The following ASB17 variants were observed in gnomAD, a reference collection of about 807,000 sequenced individuals.
ASB17 encodes the protein ankyrin repeat and SOCS box protein 17.
Under a neutral mutation model 25.7 loss-of-function variants are expected in ASB17, and 26 were observed. The ratio of observed to expected loss-of-function variants is 1.01; its 90% confidence interval spans 0.74 to 1.40. The LOEUF is 1.40. Among genes scored for constraint, ASB17 ranks in the 40% most tolerant of loss-of-function variants. ASB17 has a pLI of 0.00. For synonymous variants in ASB17, 128 were observed against 121.4 expected, an observed-to-expected ratio of 1.05 and a Z score of -0.36; for missense variants, 326 against 338.5, an observed-to-expected ratio of 0.96 and a Z score of 0.29.
intron 1 of ASB17, among the ~76,000 whole-genome samples, chr1:75,922,736 C>T (rs1689268): frequency 0.96 from 146,373 of 151,992 alleles, 70,726 homozygotes; most frequent in East Asian, 1. Context: ...CCTCAGGTGA[C>T]CTACCTGCCT....
chr1:75,919,251 A>G (rs556863311), intron 2 of ASB17, 93 bp from the exon 3 acceptor site: 1 of 888,672 alleles, frequency 1.1e-6, no homozygotes, highest in African/African-American at 1.7e-5. Flanking sequence ...AATTTAGAAA[A>G]TAGACCATAA....
At chr1:75,927,907 C>T (rs1571018314) in intron 1 of ASB17, among the ~76,000 whole-genome samples, 1 of 152,276 alleles carries the variant, frequency 6.6e-6, no homozygotes, top group Non-Finnish European at 1.5e-5. Context: ...CTTTCAATTC[C>T]AGTCTTCATT....
intron 1 of ASB17, among the ~76,000 whole-genome samples, chr1:75,924,685 G>A (rs1290423145): frequency 2.6e-5 from 4 of 151,928 alleles, no homozygotes; most frequent in East Asian, 1.9e-4. Flanking sequence ...TACTTCCAAC[G>A]CATGGAGAAC....
intron 1 of ASB17, among the ~76,000 whole-genome samples, chr1:75,925,565 C>A (rs560525987): frequency 6.6e-6 from 1 of 151,992 alleles, no homozygotes; most frequent in Non-Finnish European, 1.5e-5. Flanking sequence ...TTACTGTAAA[C>A]CAGAATTTGC....
intron 2 of ASB17, among the ~76,000 whole-genome samples, chr1:75,920,264 G>A (rs142212085): frequency 2.2e-3 from 331 of 152,212 alleles, no homozygotes; most frequent in African/African-American, 7.7e-3. Context: ...TTAATCTTAC[G>A]GATCAAATGT....
intron 1 of ASB17, among the ~76,000 whole-genome samples, chr1:75,928,777 A>G (rs984020196): frequency 6.6e-6 from 1 of 152,252 alleles, no homozygotes; most frequent in African/African-American, 2.4e-5. Flanking sequence ...TACTCATTCA[A>G]CAAAATCTTG....
At position 75,918,947 on chromosome 1, in the gene ASB17, G is replaced by A. The variant is rs200069688; in HGVS notation, c.*5C>T. On this transcript the variant is annotated 3_prime_UTR_variant, in exon 3 of 3. Coordinates refer to ENST00000284142, the MANE Select transcript of ASB17 (RefSeq NM_080868.3). ...TTGTTAAGGAACTTAGGACACTGACGTATGTTAGATTTCTAAATTCAGATA... is the reference window on the plus strand; with the variant it reads ...TTGTTAAGGAACTTAGGACACTGACATATGTTAGATTTCTAAATTCAGATA... 3.3e-4 allele frequency: 524 copies of A among 1,600,092 alleles called. 1 individual carries two copies. The highest frequency in any genetic ancestry group is 1.1e-3 in the East Asian group (47 of 44,648).
At chr1:75,921,469 T>C (rs1256624961) in intron 2 of ASB17, among the ~76,000 whole-genome samples, 1 of 152,216 alleles carries the variant, frequency 6.6e-6, no homozygotes, top group Admixed American at 6.5e-5. Context: ...CTAATGGGCA[T>C]GATTCAATTT....
At chr1:75,930,729 C>G (rs1653302419) in intron 1 of ASB17, among the ~76,000 whole-genome samples, 1 of 152,090 alleles carries the variant, frequency 6.6e-6, no homozygotes. Flanking sequence ...CAGCTTTCTC[C>G]TCTCTGCTTC....
At chr1:75,921,321 G>T (rs1428427330) in intron 2 of ASB17, among the ~76,000 whole-genome samples, 1 of 152,124 alleles carries the variant, frequency 6.6e-6, no homozygotes, top group East Asian at 1.9e-4. Flanking sequence ...AAAAAACAGT[G>T]GAGTTATATC....
chr1:75,928,370 A>G (rs1011158030), intron 1 of ASB17, among the ~76,000 whole-genome samples: 2 of 152,214 alleles, frequency 1.3e-5, no homozygotes, highest in African/African-American at 4.8e-5. Flanking sequence ...GAATGGAATG[A>G]CATCTCTCTT....
At chr1:75,919,995 C>A (rs1247794382) in intron 2 of ASB17, among the ~76,000 whole-genome samples, 4 of 152,186 alleles carry the variant, frequency 2.6e-5, no homozygotes, top group African/African-American at 9.7e-5. Context: ...TTATCAACTT[C>A]TTCCTGAAGA....
In ASB17 at chr1:75,920,926, C is replaced by T. The variant is rs148079842; in HGVS notation, c.681+1154G>A. 6.3e-3 allele frequency among the ~76,000 whole-genome samples: 963 copies of T among 152,306 alleles called. 15 individuals are homozygous for T. The highest frequency in any genetic ancestry group is 0.035 in the Admixed American group (537 of 15,294). ...AGTAGCTGGGACTACAGGCGCCCGC[C>T]ACCATGCCCAGCTAAATTTTTGTAT... On this transcript the variant is annotated intron_variant, in intron 2 of 2. Coordinates refer to ENST00000284142, the MANE Select transcript of ASB17 (RefSeq NM_080868.3).
chr1:75,927,464 T>C (rs1257444372), intron 1 of ASB17, among the ~76,000 whole-genome samples: 2 of 152,200 alleles, frequency 1.3e-5, no homozygotes, highest in Non-Finnish European at 2.9e-5. Context: ...CCACTGCTAC[T>C]GTTTTAGTTT....
rs532779195 is a variant in ASB17 at position 75,924,622 on chromosome 1, G to A, written c.402-2263C>T. ...ATATGTATTATTTCCTGTATCTCTC[G>A]TGGAATCATCTCCAGACCAATAATG... On this transcript the variant is annotated intron_variant, in intron 1 of 2. Coordinates refer to ENST00000284142, the MANE Select transcript of ASB17 (RefSeq NM_080868.3). 1.4e-4 allele frequency among the ~76,000 whole-genome samples: 21 copies of A among 151,922 alleles called. No individual in the cohort carries two copies. In the South Asian group the frequency reaches 1.9e-3, roughly 14 times the overall value.
intron 1 of ASB17, among the ~76,000 whole-genome samples, chr1:75,928,402 A>T (rs979868122): frequency 2.6e-5 from 4 of 152,208 alleles, no homozygotes; most frequent in African/African-American, 4.8e-5. Flanking sequence ...AATCTGTCAC[A>T]CTGTGGCATT....
Position 75,932,165 on chromosome 1 carries a change from A to G in ASB17, c.127T>C (p.Tyr43His), listed in dbSNP as rs201319157. The G allele has an allele frequency of 2.4e-5, 39 of 1,614,174 alleles. No individual in the cohort carries two copies. In the Admixed American group the frequency reaches 3.2e-4, roughly 13 times the overall value. ...AGTGATCTGTAAATCCTTGGTTCGT[A>G]ACAGTGATATCCCCACTGACCCAAA... The part of the protein sequence containing the change: ...QFLGQWGYHC[Y>H]EPRIYRSLAK... The change falls in exon 1 of 3, where the codon TAC becomes CAC. Residue 43 changes from tyrosine (Y) to histidine (H), a missense_variant. Physicochemically the swap from Tyr to His is moderately conservative, Grantham distance 83 (BLOSUM62 2). Transcript: ENST00000284142.
At chr1:75,924,775 A>C (rs1653123865) in intron 1 of ASB17, among the ~76,000 whole-genome samples, 1 of 151,096 alleles carries the variant, frequency 6.6e-6, no homozygotes, top group Non-Finnish European at 1.5e-5. Flanking sequence ...GGTCTTTCAC[A>C]TTTCTTTACT....
chr1:75,926,841 AC>A (rs1653185939), intron 1 of ASB17, among the ~76,000 whole-genome samples: 1 of 152,080 alleles, frequency 6.6e-6, no homozygotes. Flanking sequence ...GGCAGTGCAA[AC>A]TCATATGTCT....
Sources: gnomAD v4.1 joint callset for allele counts (sites outside exome capture counted in the v4.1 genomes callset) on GRCh38, gnomAD v4.1.1 for gene constraint, MANE v1.5 for transcripts, NCBI Gene and HGNC (gene_info 2026-07-23, HGNC 2026-07-21) for gene names.